The following DYNC1LI1 variants were observed in gnomAD, a reference collection of about 807,000 sequenced individuals.
DYNC1LI1 encodes cytoplasmic dynein 1 light intermediate chain 1.
Under a neutral mutation model 63.8 loss-of-function variants are expected in DYNC1LI1, and 19 were observed. That is an observed-to-expected ratio of 0.30 (90% confidence interval 0.21 to 0.44). DYNC1LI1 has a LOEUF of 0.44. DYNC1LI1 is among the 20% of genes least tolerant of loss of function. The pLI, the probability that DYNC1LI1 is intolerant of heterozygous loss-of-function variation, is 1.00. For missense variants in DYNC1LI1, 565 were observed against 630.2 expected, an observed-to-expected ratio of 0.90 and a Z score of 1.11; for synonymous variants, 225 against 232.3, an observed-to-expected ratio of 0.97 and a Z score of 0.28.
intron 2 of DYNC1LI1, among the ~76,000 whole-genome samples, chr3:32,558,970 C>A (rs1263134531): frequency 6.6e-6 from 1 of 152,076 alleles, no homozygotes; most frequent in African/African-American, 2.4e-5. Flanking sequence ...CCATTTGTTC[C>A]CCAACTTCTA....
At chr3:32,554,342 A>T (rs1698082830) in intron 2 of DYNC1LI1, among the ~76,000 whole-genome samples, 1 of 152,236 alleles carries the variant, frequency 6.6e-6, no homozygotes, top group African/African-American at 2.4e-5. Context: ...TTGAAAAAGG[A>T]AAGAGCATAT....
intron 6 of DYNC1LI1, among the ~76,000 whole-genome samples, chr3:32,535,664 A>G (rs1052768896): frequency 6.6e-6 from 1 of 152,242 alleles, no homozygotes; most frequent in African/African-American, 2.4e-5. Context: ...CCAAATTATG[A>G]TAATTTGGAA....
At chr3:32,564,645 T>C (rs1698235761) in intron 2 of DYNC1LI1, among the ~76,000 whole-genome samples, 1 of 152,220 alleles carries the variant, frequency 6.6e-6, no homozygotes, top group African/African-American at 2.4e-5. Context: ...AGTAGTAACA[T>C]ATAATAAACA....
Position 32,570,832 on chromosome 3 carries a change from C to T in DYNC1LI1, c.-62G>A, listed in dbSNP as rs1262047592. 11 of 1,500,690 alleles carry T rather than the reference C, an allele frequency of 7.3e-6. No homozygotes were observed. The highest frequency in any genetic ancestry group is 2.6e-5 in the East Asian group (1 of 38,144). 93.0% of individuals were successfully genotyped at this position (1,500,690 alleles called of 1,614,324 possible). On this transcript the variant is annotated 5_prime_UTR_variant, in exon 1 of 13. Coordinates refer to ENST00000273130, the MANE Select transcript of DYNC1LI1 (RefSeq NM_016141.4). ...ATGTGCGAGGCGGCTGAGGCGGTGG[C>T]GGTGGAGGCGGCGGGAACCCGGATA...
chr3:32,532,487 G>GTATATATATATATATATATATA lies in DYNC1LI1; in HGVS notation c.1080+498_1080+499insTATATATATATATATATATATA, dbSNP rs140866478. ...TCTCAAAAAAAAAAAAAAAATGTGTGTATATATATATATATATATAAAATT... is the reference window on the plus strand; with the variant it reads ...TCTCAAAAAAAAAAAAAAAATGTGTGTATATATATATATATATATATATATATATATATATATATATAAAATT... On this transcript the variant is annotated intron_variant, in intron 8 of 12. Transcript: ENST00000273130. 209 of 125,316 alleles carry GTATATATATATATATATATATA rather than the reference G, an allele frequency of 1.7e-3. 3 individuals carry two copies. Among genetic ancestry groups the GTATATATATATATATATATATA allele is most frequent in the Middle Eastern group, 8.3e-3 (2 of 240 alleles). 7.8% of individuals were successfully genotyped at this position (125,316 alleles called of 1,614,324 possible).
At chr3:32,544,129 T>G (rs1023824759) in intron 4 of DYNC1LI1, among the ~76,000 whole-genome samples, 2 of 152,152 alleles carry the variant, frequency 1.3e-5, no homozygotes, top group Non-Finnish European at 2.9e-5. Context: ...ACAATTTTCA[T>G]AATTCCCATA....
chr3:32,540,388 T>G (rs543246413), intron 5 of DYNC1LI1, among the ~76,000 whole-genome samples: 24 of 151,978 alleles, frequency 1.6e-4, no homozygotes, highest in African/African-American at 5.8e-4. Flanking sequence ...ATATAAAAAT[T>G]TAATGTTGAG....
chr3:32,563,620 C>T (rs973289641), intron 2 of DYNC1LI1, among the ~76,000 whole-genome samples: 5 of 152,100 alleles, frequency 3.3e-5, no homozygotes, highest in African/African-American at 7.2e-5. Flanking sequence ...CAGAGTCCCA[C>T]GCTAAATTTT....
chr3:32,561,975 G>C (rs1444995576), intron 2 of DYNC1LI1, among the ~76,000 whole-genome samples: 1 of 151,930 alleles, frequency 6.6e-6, no homozygotes, highest in Non-Finnish European at 1.5e-5. Context: ...TTCACATAGA[G>C]AAAATGAACA....
intron 4 of DYNC1LI1, 46 bp downstream of exon 4, chr3:32,544,830 G>T: frequency 7.4e-7 from 1 of 1,360,306 alleles, no homozygotes. Context: ...AGTCAGCCAA[G>T]ACATTTTGTA....
At position 32,543,986 on chromosome 3, in the gene DYNC1LI1, G is replaced by A. The variant is rs369274248; in HGVS notation, c.568+890C>T. On this transcript the variant is annotated intron_variant, in intron 4 of 12. Transcript: ENST00000273130. ...AGATGGGAGGATGGCTTGAGCTGGT[G>A]GGGGGGCGGGCAGAGGTTGCAGTGA... 6.9e-4 allele frequency among the ~76,000 whole-genome samples: 105 copies of A among 151,444 alleles called. 4 individuals are homozygous for A. In the South Asian group the frequency reaches 0.021, roughly 31 times the overall value.
rs764625805 is a variant in DYNC1LI1 at position 32,530,346 on chromosome 3, A to G, written c.1141-18T>C. ...AAAAGGGACTGAAAAAAAAAAAAAA[A>G]AAGAATCCTAGTTTAGACATTCATA... On this transcript the variant is annotated intron_variant, in intron 9 of 12. Coordinates refer to ENST00000273130, the MANE Select transcript of DYNC1LI1 (RefSeq NM_016141.4). 110 of 1,601,494 alleles carry G rather than the reference A, an allele frequency of 6.9e-5. No individual in the cohort carries two copies. The South Asian group carries it at 1.2e-3, about 17-fold the overall frequency.
intron 2 of DYNC1LI1, among the ~76,000 whole-genome samples, chr3:32,555,672 G>T (rs1174946299): frequency 6.6e-6 from 1 of 152,126 alleles, no homozygotes; most frequent in East Asian, 1.9e-4. Flanking sequence ...GCAGCTGAGT[G>T]ATCTTCCTGA....
chr3:32,565,056 C>G (rs1482341278), intron 2 of DYNC1LI1, among the ~76,000 whole-genome samples: 1 of 152,068 alleles, frequency 6.6e-6, no homozygotes, highest in Non-Finnish European at 1.5e-5. Context: ...TGCATATTAC[C>G]GTGGACTAAT....
At position 32,569,708 on chromosome 3, in the gene DYNC1LI1, G is replaced by C. The variant is rs560562984; in HGVS notation, c.220+638C>G. On this transcript the variant is annotated intron_variant, in intron 2 of 12. Transcript: ENST00000273130. ...TACACAACTTCCAGAGAGCCGAGGA[G>C]ATACAGAACAATCAGGAGAACTGAC... Among the ~76,000 whole-genome samples, 6 of 152,254 alleles carry C rather than the reference G, an allele frequency of 3.9e-5. No individual in the cohort carries two copies. In the South Asian group the frequency reaches 1.2e-3, roughly 32 times the overall value.
intron 1 of DYNC1LI1, 41 bp downstream of exon 1, chr3:32,570,583 CG>C (rs1380736907): frequency 6.5e-7 from 1 of 1,542,694 alleles, no homozygotes; most frequent in Non-Finnish European, 8.7e-7. Flanking sequence ...CGCGCAAGGC[CG>C]GGGGAGCCAG....
chr3:32,552,223 G>A (rs1285365048), intron 2 of DYNC1LI1, among the ~76,000 whole-genome samples: 1 of 152,172 alleles, frequency 6.6e-6, no homozygotes, highest in Non-Finnish European at 1.5e-5. Context: ...TCCTCAGGTA[G>A]GCCTCCCTGA....
chr3:32,538,492 A>T (rs1303356951), intron 5 of DYNC1LI1, among the ~76,000 whole-genome samples: 3 of 152,002 alleles, frequency 2.0e-5, no homozygotes, highest in Non-Finnish European at 2.9e-5. Context: ...CGAGGTCAGG[A>T]GATCGAGACC....
chr3:32,537,874 TATATATATATATAATTTATATATATA>T (rs1480063572), intron 5 of DYNC1LI1, among the ~76,000 whole-genome samples: 18 of 88,520 alleles, frequency 2.0e-4, no homozygotes, highest in East Asian at 1.1e-3. Flanking sequence ...TTTTGTTACA[TATATATATATATAATTTATATATATA>T]ATATATATAT....
Sources: gnomAD v4.1 joint callset for allele counts (sites outside exome capture counted in the v4.1 genomes callset) on GRCh38, gnomAD v4.1.1 for gene constraint, MANE v1.5 for transcripts, NCBI Gene and HGNC (gene_info 2026-07-23, HGNC 2026-07-21) for gene names.